Variants in FAM3B observed in about 807,000 individuals in gnomAD.
FAM3B encodes the protein protein FAM3B.
A neutral mutation model predicts 28.4 loss-of-function variants in FAM3B; 29 were observed. That is an observed-to-expected ratio of 1.02 (90% CI 0.76 to 1.39). FAM3B has a LOEUF of 1.39. Ranked by LOEUF, FAM3B falls within the 40% of genes most tolerant of loss-of-function variation. The probability of loss-of-function intolerance (pLI) is 0.00; values close to 1 mark genes in which losing one functional copy is unlikely to be tolerated. For missense variants in FAM3B, 266 were observed against 293.9 expected (o/e 0.91, Z 0.69); for synonymous variants, 91 against 103.0 (o/e 0.88, Z 0.71).
At position 41,345,705 on chromosome 21, in the gene FAM3B, A is replaced by G; in HGVS notation, c.366A>G (p.Thr122=). The G allele has an allele frequency of 6.5e-7, 1 of 1,546,820 alleles. No homozygotes were observed. The highest frequency in any genetic ancestry group is 8.7e-7 in the Non-Finnish European group (1 of 1,152,142). Residue 122 remains threonine, a synonymous_variant, in exon 5 of 8, where the codon ACA becomes ACG. Coordinates refer to ENST00000357985, the MANE Select transcript of FAM3B (RefSeq NM_058186.4). ...TTTCAGATGTAACTGGGAATGTGACAGCAACACGATGTTTTGATATGTATG... is the reference window on the plus strand; with the variant it reads ...TTTCAGATGTAACTGGGAATGTGACGGCAACACGATGTTTTGATATGTATG... The part of the protein sequence containing the change: ...AIVNYVTGNV[T]ATRCFDMYEG...
At chr21:41,345,813 T>C (rs962344197) in intron 5 of FAM3B, 77 bp downstream of exon 5, 1 of 961,552 alleles carries the variant, frequency 1.0e-6, no homozygotes, top group East Asian at 2.6e-5. Flanking sequence ...AAGAAAAATG[T>C]CAACCATTTT....
intron 1 of FAM3B, 32 bp downstream of exon 1, chr21:41,316,930 G>T: frequency 7.5e-7 from 1 of 1,330,068 alleles, no homozygotes; most frequent in South Asian, 2.0e-5. Flanking sequence ...GGCGAGGGTA[G>T]GGGCGGGGAA....
intron 2 of FAM3B, among the ~76,000 whole-genome samples, chr21:41,334,661 C>T (rs1297270138): frequency 6.6e-6 from 1 of 152,164 alleles, no homozygotes; most frequent in Non-Finnish European, 1.5e-5. Context: ...TGGGGCAGAA[C>T]CTCTACTAGA....
At chr21:41,313,097 T>C (rs1395122510), upstream of FAM3B, among the ~76,000 whole-genome samples, 2 of 152,226 alleles carry the variant, frequency 1.3e-5, no homozygotes, top group Non-Finnish European at 1.5e-5. Context: ...ACTCTAGGCC[T>C]GAAATGGCAC....
At position 41,344,417 on chromosome 21, in the gene FAM3B, G is replaced by A. The variant is rs985510940; in HGVS notation, c.288-59G>A. The A allele has an allele frequency of 3.4e-5, 52 of 1,514,074 alleles. No individual in the cohort carries two copies. In the Admixed American group the frequency reaches 6.7e-4, roughly 20 times the overall value. The allele number at this position is 1,514,074 out of a possible 1,614,324, so 93.8% of individuals were successfully genotyped here. On this transcript the variant is annotated intron_variant, in intron 3 of 7. Transcript: ENST00000357985. ...TGACATTTGGTCAGGCGAAGACTTC[G>A]CGGAGCGGGGAGAGTCGCACGCCTC... is the stretch of plus-strand genomic sequence containing the variant.
chr21:41,335,491 G>T (rs1431435127), intron 2 of FAM3B, among the ~76,000 whole-genome samples: 1 of 152,016 alleles, frequency 6.6e-6, no homozygotes, highest in Admixed American at 6.6e-5. Flanking sequence ...AGTGTGTGGC[G>T]CCTCCTTCCC....
At chr21:41,343,922 G>A (rs1040335743) in intron 3 of FAM3B, among the ~76,000 whole-genome samples, 8 of 152,082 alleles carry the variant, frequency 5.3e-5, no homozygotes, top group African/African-American at 1.7e-4. Flanking sequence ...GTTCAAGACC[G>A]CCCTGAGCAG....
chr21:41,350,368 G>A (rs773738378), intron 7 of FAM3B, among the ~76,000 whole-genome samples: 1 of 152,162 alleles, frequency 6.6e-6, no homozygotes, highest in Non-Finnish European at 1.5e-5. Flanking sequence ...GTGTGGTCTT[G>A]GAAAGTTATC....
rs765087628 is a variant in FAM3B at position 41,338,514 on chromosome 21, G to A, written c.287+13G>A. 1.5e-5 allele frequency: 25 copies of A among 1,613,562 alleles called. No individual in the cohort carries two copies. The Admixed American group carries it at 2.0e-4, about 13-fold the overall frequency. On this transcript the variant is annotated intron_variant, in intron 3 of 7. Transcript: ENST00000357985. Reference sequence around the variant, plus strand: ...TTGAGGATAACCTGTAAGTACCAGCGTTTAGAAGGAAAATAAAGCGATCCT... The same window carrying A: ...TTGAGGATAACCTGTAAGTACCAGCATTTAGAAGGAAAATAAAGCGATCCT...
intron 7 of FAM3B, among the ~76,000 whole-genome samples, chr21:41,355,185 G>A (rs2089154846): frequency 6.6e-6 from 1 of 152,224 alleles, no homozygotes; most frequent in South Asian, 2.1e-4. Context: ...GTGCTGGTGA[G>A]AATATGGAGA....
In FAM3B at chr21:41,347,749, CAAAAA is replaced by C. The variant is rs60227162; in HGVS notation, c.485+665_485+669del. ...GCCCGGTGACAGAGCGAGACTGTCT[CAAAAA>C]AAAAAAAAAAAAAAAGAGGAAAAGA... On this transcript the variant is annotated intron_variant, in intron 6 of 7. Transcript: ENST00000357985. Among the ~76,000 whole-genome samples, 5 of 85,694 alleles carry C rather than the reference CAAAAA, an allele frequency of 5.8e-5. No individual in the cohort carries two copies. In the East Asian group the frequency reaches 2.1e-3, roughly 36 times the overall value. The allele number at this position is 85,694 out of a possible 152,430, so 56.2% of individuals were successfully genotyped here.
chr21:41,312,910 A>G (rs1020632997), upstream of FAM3B, among the ~76,000 whole-genome samples: 11 of 152,248 alleles, frequency 7.2e-5, no homozygotes, highest in South Asian at 2.1e-4. Flanking sequence ...GGGGCAGAGA[A>G]GAAGCAAGGC....
intron 1 of FAM3B, among the ~76,000 whole-genome samples, chr21:41,305,077 C>G (rs1217570046): frequency 6.6e-6 from 1 of 152,156 alleles, no homozygotes; most frequent in Non-Finnish European, 1.5e-5. Context: ...TTTCATTGCT[C>G]CAACAATGCA....
At chr21:41,311,882 A>G (rs1339898796), upstream of FAM3B, among the ~76,000 whole-genome samples, 1 of 152,224 alleles carries the variant, frequency 6.6e-6, no homozygotes, top group East Asian at 1.9e-4. Context: ...TTGGACTTAC[A>G]GTCCACATGA....
At chr21:41,316,205 A>G (rs984122810), upstream of FAM3B, among the ~76,000 whole-genome samples, 4 of 152,178 alleles carry the variant, frequency 2.6e-5, no homozygotes, top group East Asian at 7.7e-4. Context: ...TGGTCATCAT[A>G]TCATATAAAG....
intron 2 of FAM3B, among the ~76,000 whole-genome samples, chr21:41,336,919 A>G (rs1046384116): frequency 6.6e-6 from 1 of 152,148 alleles, no homozygotes; most frequent in Non-Finnish European, 1.5e-5. Flanking sequence ...TTCCATTTGC[A>G]TGGAGTGTTT....
At chr21:41,312,428 T>C (rs1341804502), upstream of FAM3B, among the ~76,000 whole-genome samples, 1 of 152,218 alleles carries the variant, frequency 6.6e-6, no homozygotes, top group Non-Finnish European at 1.5e-5. Context: ...AGTGCAGCTG[T>C]TGTCTTTGTA....
At chr21:41,352,717 C>T (rs929700980) in intron 7 of FAM3B, among the ~76,000 whole-genome samples, 1 of 151,996 alleles carries the variant, frequency 6.6e-6, no homozygotes, top group Non-Finnish European at 1.5e-5. Context: ...TCGCTTGAAA[C>T]CAGAAGGCAG....
intron 2 of FAM3B, among the ~76,000 whole-genome samples, chr21:41,333,840 T>A (rs1049875107): frequency 1.3e-5 from 2 of 152,232 alleles, no homozygotes; most frequent in African/African-American, 4.8e-5. Context: ...AGTTGAATGT[T>A]TGTGACCAAA....
Sources: gnomAD v4.1 joint callset for allele counts (sites outside exome capture counted in the v4.1 genomes callset) on GRCh38, gnomAD v4.1.1 for gene constraint, MANE v1.5 for transcripts, NCBI Gene and HGNC (gene_info 2026-07-23, HGNC 2026-07-21) for gene names.